Variants in FLNB observed in about 807,000 individuals in gnomAD.
FLNB encodes filamin B, also known as filamin-B.
Under a neutral mutation model 250.6 loss-of-function variants are expected in FLNB, and 111 were observed. That is an observed-to-expected ratio of 0.44 (90% CI 0.38 to 0.52). The LOEUF is 0.52. Ranked by LOEUF, FLNB falls within the 20% of genes least tolerant of loss-of-function variation. The pLI, the probability that FLNB is intolerant of heterozygous loss-of-function variation, is 0.00. For missense variants in FLNB, 2,869 were observed against 3,447.8 expected (o/e 0.83, Z 4.20); for synonymous variants, 1,302 against 1,372.1 (o/e 0.95, Z 1.13).
chr3:58,112,126 C>T (rs769217383), intron 17 of FLNB, 23 bp from the exon 18 acceptor site: 1 of 1,611,990 alleles, frequency 6.2e-7, no homozygotes, highest in Non-Finnish European at 8.5e-7. Context: ...TCTGTCTCCT[C>T]ACTTCACAGT....
intron 1 of FLNB, among the ~76,000 whole-genome samples, chr3:58,012,074 G>A (rs1368199357): frequency 1.3e-5 from 2 of 152,102 alleles, no homozygotes; most frequent in Non-Finnish European, 2.9e-5. Flanking sequence ...AGCTGGGCAT[G>A]GTGGTGCACA....
In FLNB at chr3:58,025,846, A is replaced by C. The variant is rs148489110; in HGVS notation, c.292+16990A>C. On this transcript the variant is annotated intron_variant, in intron 1 of 45. Coordinates refer to ENST00000295956, the MANE Select transcript of FLNB (RefSeq NM_001457.4). The stretch of plus-strand genomic sequence containing the variant: ...AAGGCTGAGGCAGGAAAATCGCTAG[A>C]ACCTGGGAGGCGGAGGTTGCAGTGA... Among the ~76,000 whole-genome samples, 874 of 152,330 alleles carry C rather than the reference A, an allele frequency of 5.7e-3. 9 individuals are homozygous for C. Among genetic ancestry groups the C allele is most frequent in the African/African-American group, 0.02 (824 of 41,572 alleles).
At chr3:58,066,464 C>T (rs960053395) in intron 1 of FLNB, among the ~76,000 whole-genome samples, 2 of 152,212 alleles carry the variant, frequency 1.3e-5, no homozygotes, top group African/African-American at 2.4e-5. Context: ...GGTGATTCAT[C>T]TGCCTTGGCC....
chr3:58,017,444 G>A (rs1023110220), intron 1 of FLNB, among the ~76,000 whole-genome samples: 2 of 152,104 alleles, frequency 1.3e-5, no homozygotes, highest in Non-Finnish European at 1.5e-5. Flanking sequence ...GTAGAGATGA[G>A]GTTTCTCCAT....
At chr3:58,061,420 A>G (rs1253086253) in intron 1 of FLNB, among the ~76,000 whole-genome samples, 1 of 152,122 alleles carries the variant, frequency 6.6e-6, no homozygotes, top group African/African-American at 2.4e-5. Flanking sequence ...ATGTATGTCA[A>G]GATTTATTAT....
In FLNB at chr3:58,169,498, G is replaced by T; in HGVS notation, c.7418-92G>T. 9.9e-7 allele frequency: 1 copy of T among 1,009,886 alleles called. No homozygotes were observed. The allele number at this position is 1,009,886 out of a possible 1,614,324, so 62.6% of individuals were successfully genotyped here. ...TGTTGGGGTGCGCGGGCTCTCCTGG[G>T]GTTACTGTGTAGGGTACTCGCCTGT... On this transcript the variant is annotated intron_variant, in intron 44 of 45. Coordinates refer to ENST00000295956, the MANE Select transcript of FLNB (RefSeq NM_001457.4). This position sits in a 1 kb window ranked among gnomAD's most constrained non-coding sequence, Gnocchi z 4.8.
At chr3:58,133,727 A>G (rs1485539782) in intron 26 of FLNB, among the ~76,000 whole-genome samples, 3 of 152,006 alleles carry the variant, frequency 2.0e-5, no homozygotes, top group Non-Finnish European at 2.9e-5. Context: ...TTCTTTTTTT[A>G]AAAAATCATG....
intron 1 of FLNB, among the ~76,000 whole-genome samples, chr3:58,065,223 T>G (rs1169892381): frequency 1.3e-5 from 2 of 152,126 alleles, no homozygotes; most frequent in Non-Finnish European, 2.9e-5. Flanking sequence ...AATGACTGAG[T>G]CAGGTGGAAA....
In FLNB at chr3:58,123,484, A is replaced by C. The variant is rs201135498; in HGVS notation, c.3518A>C (p.Asp1173Ala). The C allele has an allele frequency of 9.1e-5, 146 of 1,603,936 alleles. No individual in the cohort carries two copies. The Middle Eastern group carries it at 1.0e-3, about 11-fold the overall frequency. The change falls in exon 21 of 46, where the codon GAC becomes GCC. Residue 1173 changes from aspartate (D) to alanine (A), a missense_variant. Physicochemically the swap from Asp to Ala is moderately radical, Grantham distance 126. This residue lies in a region of FLNB where 1,348 missense variants were observed against 1,466.7 expected (regional missense o/e 0.92). Coordinates refer to ENST00000295956, the MANE Select transcript of FLNB (RefSeq NM_001457.4). ...GCCCTGGGCCTGGAAGCTGTCTCGG[A>C]CTCGGGAACAAAAGCCGAAGTCAGT... ...PGALGLEAVS[D>A]SGTKAEVSIQ...
rs974427298 is a variant in FLNB, at chr3:58,079,530, C to T, written c.639+716C>T. ...CCTCCCAAAGTGCTGGGATTACAGG[C>T]GTGAGCCACTGTGCCTGGCCGACTT... On this transcript the variant is annotated intron_variant, in intron 3 of 45. Transcript: ENST00000295956. Among the ~76,000 whole-genome samples, 6 of 152,276 alleles carry T rather than the reference C, an allele frequency of 3.9e-5. No homozygotes were observed. The South Asian group carries it at 1.0e-3, about 26-fold the overall frequency.
chr3:58,035,873 C>T (rs771907984), intron 1 of FLNB, among the ~76,000 whole-genome samples: 23 of 152,130 alleles, frequency 1.5e-4, no homozygotes, highest in Non-Finnish European at 2.5e-4. Context: ...CGGCCTGGGG[C>T]GGCAGCATGG....
intron 1 of FLNB, among the ~76,000 whole-genome samples, chr3:58,028,286 A>G (rs1336388957): frequency 1.3e-5 from 2 of 152,182 alleles, no homozygotes; most frequent in Non-Finnish European, 2.9e-5. Flanking sequence ...AATATTGAAT[A>G]CAAACGAAGA....
chr3:58,139,471 A>G (rs1241255558), intron 29 of FLNB, among the ~76,000 whole-genome samples: 1 of 152,242 alleles, frequency 6.6e-6, no homozygotes, highest in Non-Finnish European at 1.5e-5. Flanking sequence ...GGAGAGGTGC[A>G]TGAAGACTCC....
chr3:58,109,108 G>A (rs376921146), intron 13 of FLNB, 71 bp from the exon 14 acceptor site: 18 of 1,598,166 alleles, frequency 1.1e-5, no homozygotes, highest in African/African-American at 9.4e-5. Flanking sequence ...TGTCTTGGGA[G>A]GCCACAGTGA....
intron 18 of FLNB, among the ~76,000 whole-genome samples, chr3:58,113,795 C>T (rs1388651744): frequency 1.3e-5 from 2 of 152,302 alleles, no homozygotes; most frequent in East Asian, 1.9e-4. Flanking sequence ...TCTCCTGCCT[C>T]AGCCTCCCGA....
chr3:58,105,693 A>G (rs778073616), intron 11 of FLNB, among the ~76,000 whole-genome samples: 13 of 152,210 alleles, frequency 8.5e-5, no homozygotes, highest in Non-Finnish European at 1.6e-4. Flanking sequence ...TGTGGGCCTT[A>G]TGGTCTCTGT....
chr3:58,141,756 A>T, intron 29 of FLNB, 102 bp from the exon 30 acceptor site: 1 of 1,079,474 alleles, frequency 9.3e-7, no homozygotes, highest in South Asian at 1.2e-5. Context: ...GGCTCACTGC[A>T]GTTCAAGATG....
intron 1 of FLNB, among the ~76,000 whole-genome samples, chr3:58,054,806 G>A (rs2097167748): frequency 1.3e-5 from 2 of 152,132 alleles, no homozygotes. Flanking sequence ...GTGTAGGTGG[G>A]AAAACTATGG....
At chr3:58,112,030 G>A in intron 17 of FLNB, 119 bp from the exon 18 acceptor site, 2 of 1,189,094 alleles carry the variant, frequency 1.7e-6, no homozygotes, top group Non-Finnish European at 1.2e-6. Flanking sequence ...AGCAGTGGCT[G>A]GCCAGGCCCG....
Sources: gnomAD v4.1 joint callset for allele counts (sites outside exome capture counted in the v4.1 genomes callset) on GRCh38, gnomAD v4.1.1 for gene constraint, gnomAD v4.1.1 regional missense constraint, Gnocchi (gnomAD v3.1) non-coding constraint, MANE v1.5 for transcripts, NCBI Gene and HGNC (gene_info 2026-07-23, HGNC 2026-07-21) for gene names.